The following NPAS3 variants were observed in gnomAD, a reference collection of about 807,000 sequenced individuals.
The protein encoded by NPAS3 is neuronal PAS domain protein 3.
Under a neutral mutation model 73.1 loss-of-function variants are expected in NPAS3, and 14 were observed. The observed-to-expected ratio is 0.19, with a 90% CI of 0.13 to 0.30. The LOEUF is 0.30. Ranked by LOEUF, NPAS3 falls within the 10% of genes least tolerant of loss-of-function variation. The pLI is 1.00. For missense variants in NPAS3, 1,096 were observed against 1,250.0 expected (o/e 0.88, Z 1.86); for synonymous variants, 620 against 541.5 (o/e 1.14, Z -2.01).
At chr14:33,441,397 TA>T (rs59715867) in intron 4 of NPAS3, among the ~76,000 whole-genome samples, 57,405 of 151,906 alleles carry the variant, frequency 0.38, 12,236 homozygotes, top group African/African-American at 0.59. Context: ...AAAAAAAAGA[TA>T]AAAGAATCTT....
chr14:33,730,548 A>T (rs1475320959), intron 6 of NPAS3, among the ~76,000 whole-genome samples: 1 of 152,218 alleles, frequency 6.6e-6, no homozygotes, highest in Non-Finnish European at 1.5e-5. Flanking sequence ...AAAGCAGCAC[A>T]TCATGACTGG....
intron 3 of NPAS3, among the ~76,000 whole-genome samples, chr14:33,357,943 G>T (rs2045413710): frequency 6.6e-6 from 1 of 152,188 alleles, no homozygotes; most frequent in African/African-American, 2.4e-5. Flanking sequence ...AGAGAAAAAT[G>T]GAGGATTTAA....
intron 3 of NPAS3, among the ~76,000 whole-genome samples, chr14:33,338,519 G>T (rs1053603469): frequency 6.6e-6 from 1 of 152,130 alleles, no homozygotes; most frequent in Non-Finnish European, 1.5e-5. Flanking sequence ...TTCCAAGGAA[G>T]AAATGAAAGG....
chr14:33,045,259 GGAAA>G (rs2040470796), intron 1 of NPAS3, among the ~76,000 whole-genome samples: 1 of 152,112 alleles, frequency 6.6e-6, no homozygotes, highest in Non-Finnish European at 1.5e-5. Flanking sequence ...TCCTGAACTA[GGAAA>G]AGGAGTTGGA....
At chr14:33,476,106 C>T (rs984849375) in intron 4 of NPAS3, among the ~76,000 whole-genome samples, 2 of 152,188 alleles carry the variant, frequency 1.3e-5, no homozygotes, top group African/African-American at 2.4e-5. Flanking sequence ...CGCTATATCC[C>T]ATGTACAGTT....
Position 33,450,277 on chromosome 14 carries a change from G to A in NPAS3, c.468+83009G>A, listed in dbSNP as rs531360149. Reference sequence around the variant, plus strand: ...GCAAAACTGAGCCGCAGTAGGTGCCGTGTGGTAGGTTCTGCTGATGCATCT... The same window carrying A: ...GCAAAACTGAGCCGCAGTAGGTGCCATGTGGTAGGTTCTGCTGATGCATCT... On this transcript the variant is annotated intron_variant, in intron 4 of 11. Coordinates refer to ENST00000356141, the Ensembl canonical transcript of NPAS3. Among the ~76,000 whole-genome samples the A allele has an allele frequency of 3.3e-5, 5 of 152,272 alleles. No homozygotes were observed. In the East Asian group the frequency reaches 5.8e-4, roughly 18 times the overall value.
intron 4 of NPAS3, among the ~76,000 whole-genome samples, chr14:33,441,332 C>A (rs1002821202): frequency 6.6e-6 from 1 of 152,050 alleles, no homozygotes; most frequent in African/African-American, 2.4e-5. Context: ...CTTATCCAAA[C>A]GTTTTAGTCA....
intron 3 of NPAS3, among the ~76,000 whole-genome samples, chr14:33,270,281 C>T (rs1014340382): frequency 3.9e-5 from 6 of 152,058 alleles, no homozygotes; most frequent in African/African-American, 1.4e-4. Flanking sequence ...ACACTTTCAG[C>T]AGCTGGGGAA....
chr14:33,361,847 G>A (rs2045617812), intron 3 of NPAS3, among the ~76,000 whole-genome samples: 1 of 151,832 alleles, frequency 6.6e-6, no homozygotes, highest in Non-Finnish European at 1.5e-5. Flanking sequence ...TTTTTTTCTG[G>A]TATTTATTTG....
chr14:32,960,801 A>G (rs1162811221), intron 1 of NPAS3, among the ~76,000 whole-genome samples: 1 of 152,222 alleles, frequency 6.6e-6, no homozygotes, highest in African/African-American at 2.4e-5. Flanking sequence ...ATCATTTAAG[A>G]AATAGTAGCA....
chr14:33,541,235 A>G (rs541278950), intron 4 of NPAS3, among the ~76,000 whole-genome samples: 7 of 152,250 alleles, frequency 4.6e-5, no homozygotes, highest in Non-Finnish European at 8.8e-5. Flanking sequence ...TTACTTGTTC[A>G]TGCATAGTAA....
At chr14:33,719,002 T>A (rs1464933262) in intron 6 of NPAS3, among the ~76,000 whole-genome samples, 2 of 151,988 alleles carry the variant, frequency 1.3e-5, no homozygotes, top group Non-Finnish European at 2.9e-5. Context: ...GTGGTGTGCA[T>A]CTGTAGTCCA....
chr14:33,144,175 TG>T (rs2139195192), intron 2 of NPAS3, among the ~76,000 whole-genome samples: 1 of 152,306 alleles, frequency 6.6e-6, no homozygotes, highest in South Asian at 2.1e-4. Context: ...ACATTCACAC[TG>T]GAAATTCAGA....
At chr14:33,281,090 A>G (rs1594587808) in intron 3 of NPAS3, among the ~76,000 whole-genome samples, 1 of 152,304 alleles carries the variant, frequency 6.6e-6, no homozygotes, top group East Asian at 1.9e-4. Flanking sequence ...ACGGTAGTGA[A>G]GCTGGATACA....
intron 3 of NPAS3, among the ~76,000 whole-genome samples, chr14:33,320,738 T>G (rs2043406711): frequency 6.6e-6 from 1 of 152,194 alleles, no homozygotes; most frequent in African/African-American, 2.4e-5. Context: ...CAGATGTCAT[T>G]TGGTAAGACT....
chr14:33,239,293 A>G (rs2048140499), intron 3 of NPAS3, among the ~76,000 whole-genome samples: 1 of 151,880 alleles, frequency 6.6e-6, no homozygotes, highest in East Asian at 1.9e-4. Flanking sequence ...ACTTCATCCA[A>G]CAGATAATTA....
chr14:33,451,704 C>A (rs993965385), intron 4 of NPAS3, among the ~76,000 whole-genome samples: 2 of 152,000 alleles, frequency 1.3e-5, no homozygotes, highest in South Asian at 4.2e-4. Context: ...AAATCTTGGG[C>A]CTGTTATCTT....
chr14:33,259,202 T>C (rs1178676416), intron 3 of NPAS3, among the ~76,000 whole-genome samples: 1 of 152,208 alleles, frequency 6.6e-6, no homozygotes, highest in African/African-American at 2.4e-5. Flanking sequence ...TTGCCTTTTA[T>C]CCCCCAGGTT....
intron 4 of NPAS3, among the ~76,000 whole-genome samples, chr14:33,378,899 A>G (rs996514718): frequency 6.6e-6 from 1 of 152,202 alleles, no homozygotes; most frequent in African/African-American, 2.4e-5. Flanking sequence ...TGGAACAGAA[A>G]GACAGTTATA....
Sources: gnomAD v4.1 joint callset for allele counts (sites outside exome capture counted in the v4.1 genomes callset) on GRCh38, gnomAD v4.1.1 for gene constraint, MANE v1.5 for transcripts, NCBI Gene and HGNC (gene_info 2026-07-23, HGNC 2026-07-21) for gene names.